HLA-DPA1: variants seen among roughly 807,000 people sequenced by gnomAD.
HLA-DPA1 encodes HLA class II histocompatibility antigen, DP alpha 1 chain.
In HLA-DPA1, 20 loss-of-function variants were observed where a neutral mutation model predicts 21.5. The ratio of observed to expected loss-of-function variants is 0.93; its 90% confidence interval spans 0.66 to 1.35. The LOEUF (loss-of-function observed/expected upper bound fraction) is 1.35. Among genes scored for constraint, HLA-DPA1 ranks in the 40% most tolerant of loss-of-function variants. The pLI, the probability that HLA-DPA1 is intolerant of heterozygous loss-of-function variation, is 0.00. For synonymous variants in HLA-DPA1, 123 were observed against 129.6 expected (o/e 0.95, Z 0.35); for missense variants, 279 against 323.0 (o/e 0.86, Z 1.05).
chr6:33,070,365 G>A (rs1762218818), intron 2 of HLA-DPA1, among the ~76,000 whole-genome samples: 1 of 152,204 alleles, frequency 6.6e-6, no homozygotes. Context: ...TACGGCTACT[G>A]GCGGAACTAG....
chr6:33,076,064 C>T lies in HLA-DPA1; in HGVS notation c.-99-2395G>A, dbSNP rs1332954676. 1.9e-6 allele frequency: 3 copies of T among 1,611,838 alleles called. 1 individual carries two copies. The highest frequency in any genetic ancestry group is 2.2e-5 in the South Asian group (2 of 90,654). On this transcript the variant is annotated intron_variant, in intron 1 of 5. Coordinates refer to ENST00000419277, the Ensembl canonical transcript of HLA-DPA1. The stretch of plus-strand genomic sequence containing the variant: ...TCCATGATGGTTCTGCAGGTTTCTG[C>T]GGCCCCCCGGACAGTGGCTCTGACG...
chr6:33,066,612 A>G (rs1256360909), intron 5 of HLA-DPA1: 1 of 152,214 alleles, frequency 6.6e-6, no homozygotes, highest in Non-Finnish European at 1.5e-5. Context: ...AATAAAGGAA[A>G]CCAAGGAGAC....
At chr6:33,078,601 C>A (rs1762675842) in intron 1 of HLA-DPA1, among the ~76,000 whole-genome samples, 1 of 150,708 alleles carries the variant, frequency 6.6e-6, no homozygotes, top group Non-Finnish European at 1.5e-5. Context: ...AAGGGTTCCA[C>A]AAACAGGATA....
At chr6:33,075,954 C>A in intron 1 of HLA-DPA1, 1 of 974,312 alleles carries the variant, frequency 1.0e-6, no homozygotes, top group Non-Finnish European at 1.6e-6. Flanking sequence ...GGTTCATGGT[C>A]TCTAATATTT....
intron 1 of HLA-DPA1, among the ~76,000 whole-genome samples, chr6:33,079,102 T>TC (rs2150370226): frequency 6.6e-6 from 1 of 152,326 alleles, no homozygotes; most frequent in Admixed American, 6.5e-5. Flanking sequence ...CTACCCCATC[T>TC]CCACTATCCT....
At chr6:33,064,634 A>G (rs1249090578) in exon 6 of HLA-DPA1, 1 of 152,184 alleles carries the variant, frequency 6.6e-6, no homozygotes, top group Non-Finnish European at 1.5e-5. Flanking sequence ...CCTCCATGAA[A>G]TATTGCTATA....
At chr6:33,070,656 TAC>T (rs1013042546) in intron 2 of HLA-DPA1, among the ~76,000 whole-genome samples, 1 of 152,200 alleles carries the variant, frequency 6.6e-6, no homozygotes, top group Non-Finnish European at 1.5e-5. Context: ...AAAAGTACAG[TAC>T]AGTTATTTTG....
At chr6:33,069,238 T>C (rs150537907) in exon 4 of HLA-DPA1, 1 of 1,612,862 alleles carries the variant, frequency 6.2e-7, no homozygotes, top group Non-Finnish European at 8.5e-7. Context: ...ATGTGGCAGA[T>C]GAGGGTGTTG....
intron 1 of HLA-DPA1, among the ~76,000 whole-genome samples, chr6:33,078,157 G>A (rs2856817): frequency 0.27 from 41,338 of 151,936 alleles, 5,963 homozygotes; most frequent in Admixed American, 0.38. Flanking sequence ...AGCAGAAGGG[G>A]GCATGTGATG....
chr6:33,073,479 G>A (rs1312481783), exon 2 of HLA-DPA1: 1 of 1,610,260 alleles, frequency 6.2e-7, no homozygotes, highest in Non-Finnish European at 8.5e-7. Flanking sequence ...ACCCTTGATG[G>A]CCCCAGCTCC....
rs1287188260 is a variant in HLA-DPA1 at position 33,080,493 on chromosome 6, G to T, written c.-100+187C>A. On this transcript the variant is annotated intron_variant, in intron 1 of 5. Coordinates refer to ENST00000419277, the Ensembl canonical transcript of HLA-DPA1. The surrounding 1 kb of genome is among the most constrained non-coding windows in gnomAD (Gnocchi z 4.3). ...CTCTCTCTGCGTGGTGAGAAAACAG[G>T]CCTGGAGAGGCTCTGCGACCCGCTT... 2 of 833,036 alleles carry T rather than the reference G, an allele frequency of 2.4e-6. No individual in the cohort carries two copies. Among genetic ancestry groups the T allele is most frequent in the Non-Finnish European group, 4.1e-6 (2 of 493,414 alleles). The allele number at this position is 833,036 out of a possible 1,614,324, so 51.6% of individuals were successfully genotyped here.
exon 3 of HLA-DPA1, chr6:33,069,663 G>T: frequency 6.2e-7 from 1 of 1,612,398 alleles, no homozygotes; most frequent in Non-Finnish European, 8.5e-7. Flanking sequence ...GAGTGTGGTT[G>T]GAACGCTGGA....
At chr6:33,070,330 A>C (rs1186757318) in intron 2 of HLA-DPA1, among the ~76,000 whole-genome samples, 1 of 152,246 alleles carries the variant, frequency 6.6e-6, no homozygotes, top group Non-Finnish European at 1.5e-5. Flanking sequence ...CAGGGAAGTT[A>C]CATATTAATA....
chr6:33,069,942 G>T (rs919076497), intron 2 of HLA-DPA1, 56 bp from the exon 2 acceptor site: 6 of 1,519,090 alleles, frequency 3.9e-6, no homozygotes, highest in Admixed American at 1.7e-5. Flanking sequence ...ATATGCAAGT[G>T]GTCAAAGCTA....
chr6:33,071,812 A>AGG (rs35828229), intron 2 of HLA-DPA1, among the ~76,000 whole-genome samples: 43,334 of 151,810 alleles, frequency 0.29, 8,095 homozygotes, highest in East Asian at 0.67. Flanking sequence ...CACTTCTCTC[A>AGG]GGGAAGACAG....
chr6:33,074,049 T>C lies in HLA-DPA1; in HGVS notation c.-99-380A>G, dbSNP rs148350740. Reference sequence around the variant, plus strand: ...TTCTGCTGATAATTAAGAATGAATGTGCTATCTAATAAAATATATAATTAA... The same window carrying C: ...TTCTGCTGATAATTAAGAATGAATGCGCTATCTAATAAAATATATAATTAA... On this transcript the variant is annotated intron_variant, in intron 1 of 5. Transcript: ENST00000419277. 3.5e-3 allele frequency among the ~76,000 whole-genome samples: 538 copies of C among 152,344 alleles called. 3 individuals carry two copies. The highest frequency in any genetic ancestry group is 0.025 in the East Asian group (132 of 5,192).
At chr6:33,068,260 T>G (rs1469237539) in intron 5 of HLA-DPA1, 1 of 171,586 alleles carries the variant, frequency 5.8e-6, no homozygotes, top group African/African-American at 2.4e-5. Flanking sequence ...ATAGGGTGAA[T>G]AGGACAGTGG....
At chr6:33,077,382 T>C (rs568828032) in intron 1 of HLA-DPA1, among the ~76,000 whole-genome samples, 3 of 152,214 alleles carry the variant, frequency 2.0e-5, no homozygotes, top group East Asian at 3.9e-4. Context: ...TAAACATATG[T>C]GTGCATGTGT....
exon 6 of HLA-DPA1, chr6:33,064,786 T>G (rs1761874306): frequency 6.6e-6 from 1 of 152,304 alleles, no homozygotes; most frequent in Non-Finnish European, 1.5e-5. Context: ...AAGAAAATCT[T>G]CATCCAAGTA....
Sources: gnomAD v4.1 joint callset for allele counts (sites outside exome capture counted in the v4.1 genomes callset) on GRCh38, gnomAD v4.1.1 for gene constraint, Gnocchi (gnomAD v3.1) non-coding constraint, MANE v1.5 for transcripts, NCBI Gene and HGNC (gene_info 2026-07-23, HGNC 2026-07-21) for gene names.